TSC2: variants seen among roughly 807,000 people sequenced by gnomAD.
TSC2 encodes the protein tuberin.
TSC2 carries 29 observed loss-of-function variants against 202.2 expected under a neutral mutation model. The observed-to-expected ratio is 0.14, with a 90% CI of 0.11 to 0.20. The LOEUF is 0.20. Ranked by LOEUF, TSC2 falls within the 10% of genes least tolerant of loss-of-function variation. TSC2 has a pLI of 1.00. For missense variants in TSC2, 2,429 were observed against 2,420.0 expected (o/e 1.00, Z -0.08); for synonymous variants, 1,349 against 1,044.0 (o/e 1.29, Z -5.63).
intron 3 of TSC2, 34 bp downstream of exon 3, chr16:2,050,520 C>G (rs2084973950): frequency 1.3e-6 from 2 of 1,585,080 alleles, no homozygotes; most frequent in Non-Finnish European, 1.7e-6. Context: ...TAGAGAGAGG[C>G]ACGTAGACTA....
At chr16:2,084,153 C>G (rs2090469906) in intron 33 of TSC2, 75 bp from the exon 34 acceptor site, 3 of 1,549,054 alleles carry the variant, frequency 1.9e-6, no homozygotes, top group Non-Finnish European at 2.6e-6. Context: ...TAGGGCCTCA[C>G]CACCTCCAGG....
chr16:2,069,271 G>C (rs1260834369), intron 16 of TSC2, among the ~76,000 whole-genome samples: 1 of 152,150 alleles, frequency 6.6e-6, no homozygotes, highest in Non-Finnish European at 1.5e-5. Context: ...AAGGGATGTT[G>C]CTTTTATGTC....
In TSC2 at chr16:2,079,750, C is replaced by A. The variant is rs374455547; in HGVS notation, c.3397+81C>A. 7.0e-7 allele frequency: 1 copy of A among 1,433,822 alleles called. No homozygotes were observed. The highest frequency in any genetic ancestry group is 9.4e-7 in the Non-Finnish European group (1 of 1,064,288). The allele number at this position is 1,433,822 out of a possible 1,614,324, so 88.8% of individuals were successfully genotyped here. ...CTGGTCCCAGTGTTCAGGAAGGCCCCGAGCCCAGGGGCCGGGGTGGCTGGC... is the reference window on the plus strand; with the variant it reads ...CTGGTCCCAGTGTTCAGGAAGGCCCAGAGCCCAGGGGCCGGGGTGGCTGGC... On this transcript the variant is annotated intron_variant, in intron 29 of 41. Transcript: ENST00000219476. This position sits in a 1 kb window ranked among gnomAD's most constrained non-coding sequence, Gnocchi z 4.6.
chr16:2,086,257 C>T lies in TSC2; in HGVS notation c.4727C>T (p.Thr1576Met), dbSNP rs45437192. 1.2e-5 allele frequency: 19 copies of T among 1,612,570 alleles called. No homozygotes were observed. Among genetic ancestry groups the T allele is most frequent in the South Asian group, 8.8e-5 (8 of 91,084 alleles). Residue 1576 changes from threonine to methionine, a missense_variant, in exon 37 of 42, where the codon ACG (threonine) becomes ATG (methionine). Thr to Met is a moderately conservative substitution (Grantham distance 81, BLOSUM62 -1). Transcript: ENST00000219476. ...TCCTACAGGTACACGGAGTTCCTGACGGGCCTGGGCCGGCTCATCGAGCTG... is the reference window on the plus strand; with the variant it reads ...TCCTACAGGTACACGGAGTTCCTGATGGGCCTGGGCCGGCTCATCGAGCTG... The part of the protein sequence containing the change: ...HGSYRYTEFL[T>M]GLGRLIELKD...
At chr16:2,070,249 G>A (rs1596334831) in intron 16 of TSC2, among the ~76,000 whole-genome samples, 1 of 152,194 alleles carries the variant, frequency 6.6e-6, no homozygotes, top group African/African-American at 2.4e-5. Flanking sequence ...GTTGATGACT[G>A]CCCTGATGAT....
intron 16 of TSC2, 45 bp downstream of exon 16, chr16:2,065,680 T>A: frequency 1.3e-6 from 2 of 1,516,354 alleles, no homozygotes; most frequent in Non-Finnish European, 1.8e-6. Context: ...CGCGCATGGC[T>A]AGCGTCCACC....
At chr16:2,076,466 T>A in intron 24 of TSC2, 25 bp from the exon 25 acceptor site, 1 of 1,612,836 alleles carries the variant, frequency 6.2e-7, no homozygotes, top group Non-Finnish European at 8.5e-7. Context: ...CACCCCTCAC[T>A]GTCTGGGTGT....
At chr16:2,061,284 G>A (rs995981983) in intron 11 of TSC2, 5 of 289,778 alleles carry the variant, frequency 1.7e-5, no homozygotes, top group Admixed American at 9.5e-5. Context: ...TCAGGGCTGT[G>A]CCTTTTCCTG....
chr16:2,051,245 G>T (rs138979889), intron 3 of TSC2, among the ~76,000 whole-genome samples: 2 of 151,466 alleles, frequency 1.3e-5, no homozygotes, highest in African/African-American at 4.9e-5. Context: ...GCTTGAACCC[G>T]GGAGGCACAG....
rs767275578 is a variant in TSC2 at position 2,058,849 on chromosome 16, A to C, written c.951A>C (p.Thr317=). Residue 317 remains threonine, a synonymous_variant, in exon 10 of 42, where the codon ACA becomes ACC. Transcript: ENST00000219476. ...TCTATTCTCTCAGGAACTCGCCGAC[A>C]TCTGTGTTGCCATCATTTTACCAGG... is the stretch of plus-strand genomic sequence containing the variant. ...HRLYSLRNSP[T]SVLPSFYQAM... The C allele has an allele frequency of 6.2e-7, 1 of 1,608,086 alleles. No homozygotes were observed. Among genetic ancestry groups the C allele is most frequent in the South Asian group, 1.1e-5 (1 of 89,490 alleles).
At chr16:2,083,863 T>G (rs200280482) in intron 33 of TSC2, 47 bp downstream of exon 33, 1 of 1,587,026 alleles carries the variant, frequency 6.3e-7, no homozygotes, top group African/African-American at 1.3e-5. Flanking sequence ...GGGGGGCTCC[T>G]TAGGGGAGGC....
In TSC2 at chr16:2,074,217, C is replaced by T. The variant is rs2088913508; in HGVS notation, c.2373C>T (p.Cys791=). The change falls in exon 22 of 42, where the codon TGC becomes TGT. Residue 791 remains cysteine, a synonymous_variant. Coordinates refer to ENST00000219476, the MANE Select transcript of TSC2 (RefSeq NM_000548.5). ...DKTKQREMVY[C]LEQGLIHRCA... is the part of the protein sequence containing the mutation. ...TCCTGCAGCGCGAGATGGTCTACTG[C>T]CTGGAGCAGGGCCTCATCCACCGCT... is the stretch of plus-strand genomic sequence containing the variant. 2 of 1,611,764 alleles carry T rather than the reference C, an allele frequency of 1.2e-6. No individual in the cohort carries two copies. Among genetic ancestry groups the T allele is most frequent in the Non-Finnish European group, 1.7e-6 (2 of 1,179,952 alleles).
At chr16:2,052,276 G>A (rs2085230331) in intron 3 of TSC2, among the ~76,000 whole-genome samples, 1 of 151,544 alleles carries the variant, frequency 6.6e-6, no homozygotes, top group African/African-American at 2.4e-5. Flanking sequence ...TGGTTGGGAT[G>A]TTGGTCAGAT....
At chr16:2,073,755 C>T (rs141280935) in intron 21 of TSC2, among the ~76,000 whole-genome samples, 1,569 of 152,356 alleles carry the variant, frequency 0.01, 15 homozygotes, top group Non-Finnish European at 0.013. Flanking sequence ...GGGGTGAGGC[C>T]GGCTTTGGGA....
At chr16:2,076,404 C>T in intron 24 of TSC2, 87 bp from the exon 25 acceptor site, 2 of 1,595,032 alleles carry the variant, frequency 1.3e-6, no homozygotes, top group Non-Finnish European at 1.7e-6. Flanking sequence ...GCAGCTTGTC[C>T]CTGGCCAGGG....
At chr16:2,053,261 C>A in intron 3 of TSC2, 81 bp from the exon 4 acceptor site, 1 of 1,402,408 alleles carries the variant, frequency 7.1e-7, no homozygotes, top group South Asian at 1.2e-5. Context: ...CCCTGTCCTC[C>A]GCTCACGGCA....
At chr16:2,049,986 G>A (rs1180253061) in intron 2 of TSC2, among the ~76,000 whole-genome samples, 2 of 132,866 alleles carry the variant, frequency 1.5e-5, no homozygotes, top group African/African-American at 2.9e-5. Flanking sequence ...ACCGAGTTTC[G>A]CTCTTGTCAC....
intron 20 of TSC2, chr16:2,072,634 G>T (rs1199155029): frequency 3.6e-6 from 3 of 830,046 alleles, no homozygotes; most frequent in East Asian, 5.3e-5. Flanking sequence ...CCTAAGTGGG[G>T]CTCCCGTGCC....
At chr16:2,076,705 A>G (rs1476843331) in intron 25 of TSC2, 120 bp downstream of exon 25, 4 of 1,060,784 alleles carry the variant, frequency 3.8e-6, no homozygotes, top group Non-Finnish European at 5.6e-6. Context: ...GCCCTGGAGT[A>G]TGTGAGGCAG....
Sources: gnomAD v4.1 joint callset for allele counts (sites outside exome capture counted in the v4.1 genomes callset) on GRCh38, gnomAD v4.1.1 for gene constraint, Gnocchi (gnomAD v3.1) non-coding constraint, MANE v1.5 for transcripts, NCBI Gene and HGNC (gene_info 2026-07-23, HGNC 2026-07-21) for gene names.